Variants in CLCN1 observed in about 807,000 individuals in gnomAD.
CLCN1 encodes the protein chloride voltage-gated channel 1.
In CLCN1, 100 loss-of-function variants were observed where a neutral mutation model predicts 114.5. That is an observed-to-expected ratio of 0.87 (90% confidence interval 0.74 to 1.03). CLCN1 has a LOEUF of 1.03. Among genes scored for constraint, CLCN1 ranks in the 50% least tolerant of loss-of-function variants. CLCN1 has a pLI of 0.00. For synonymous variants in CLCN1, 485 were observed against 487.1 expected (o/e 1.00, Z 0.06); for missense variants, 1,188 against 1,250.0 (o/e 0.95, Z 0.75).
At chr7:143,326,003 GT>G (rs546357383) in intron 7 of CLCN1, among the ~76,000 whole-genome samples, 10 of 151,828 alleles carry the variant, frequency 6.6e-5, no homozygotes, top group East Asian at 3.9e-4. Context: ...GGCATTACTT[GT>G]TTTTTTTGTT....
At chr7:143,336,846 G>A (rs1481049628) in intron 12 of CLCN1, among the ~76,000 whole-genome samples, 1 of 152,076 alleles carries the variant, frequency 6.6e-6, no homozygotes, top group Non-Finnish European at 1.5e-5. Flanking sequence ...ACATATCTTG[G>A]AGGATAATCT....
chr7:143,332,911 T>C (rs1802769694), intron 12 of CLCN1, 38 bp downstream of exon 12: 1 of 1,610,524 alleles, frequency 6.2e-7, no homozygotes, highest in East Asian at 2.2e-5. Flanking sequence ...TAAACCTCCA[T>C]CTGTTTTCAA....
chr7:143,345,015 G>C (rs1803190581), intron 16 of CLCN1, among the ~76,000 whole-genome samples: 1 of 152,184 alleles, frequency 6.6e-6, no homozygotes, highest in Non-Finnish European at 1.5e-5. Context: ...GCCTTCCAAA[G>C]TAGTGGGATT....
chr7:143,327,385 C>A (rs1198965566), intron 7 of CLCN1, among the ~76,000 whole-genome samples: 1 of 152,106 alleles, frequency 6.6e-6, no homozygotes, highest in Non-Finnish European at 1.5e-5. Flanking sequence ...TCTCACAGAC[C>A]TGACTTCGGG....
At chr7:143,323,632 G>A (rs1302597516) in intron 6 of CLCN1, 4 of 652,678 alleles carry the variant, frequency 6.1e-6, no homozygotes, top group Admixed American at 2.1e-5. Flanking sequence ...ATGGAGGTCT[G>A]GTCTGTCGTC....
In CLCN1 at chr7:143,339,492, C is replaced by T. The variant is rs749460835; in HGVS notation, c.1472-19C>T. ...ACTTGGATCTCGTAACACCTTCCTT[C>T]CTTTTATCTTCCCTCTAGGAGCTGC... On this transcript the variant is annotated intron_variant, in intron 13 of 22. Coordinates refer to ENST00000343257, the MANE Select transcript of CLCN1 (RefSeq NM_000083.3). This position sits in a 1 kb window ranked among gnomAD's most constrained non-coding sequence, Gnocchi z 4.1. 6.3e-7 allele frequency: 1 copy of T among 1,582,196 alleles called. No homozygotes were observed. Among genetic ancestry groups the T allele is most frequent in the Non-Finnish European group, 8.7e-7 (1 of 1,150,862 alleles).
In CLCN1 at chr7:143,351,829, C is replaced by T. The variant is rs1226179201; in HGVS notation, c.2831C>T (p.Pro944Leu). 9.9e-6 allele frequency: 16 copies of T among 1,613,948 alleles called. No homozygotes were observed. The highest frequency in any genetic ancestry group is 1.7e-5 in the Admixed American group (1 of 60,022). ...CCAGAGCCCCCTCTCTCCCTGGCCC[C>T]AGGCAAGGTAGAGGGCGAGTTGGAG... Reference protein sequence around the residue: ...PSPEPPLSLAPGKVEGELEEL... With the variant: ...PSPEPPLSLALGKVEGELEEL... Residue 944 changes from proline to leucine, a missense_variant, in exon 23 of 23, where the codon CCA (proline) becomes CTA (leucine). By Grantham distance (98) the Pro-to-Leu change is moderately conservative. Coordinates refer to ENST00000343257, the MANE Select transcript of CLCN1 (RefSeq NM_000083.3).
At chr7:143,336,164 A>C (rs1802881864) in intron 12 of CLCN1, among the ~76,000 whole-genome samples, 2 of 151,690 alleles carry the variant, frequency 1.3e-5, no homozygotes, top group South Asian at 4.2e-4. Flanking sequence ...GCTCTGTTGA[A>C]TTTTTTTTCA....
At chr7:143,323,504 C>G (rs779629936) in intron 6 of CLCN1, 118 bp downstream of exon 6, 3 of 783,334 alleles carry the variant, frequency 3.8e-6, no homozygotes, top group Non-Finnish European at 7.0e-6. Context: ...GAAGCAGCAT[C>G]GCACTAATCC....
chr7:143,350,721 G>C lies in CLCN1; in HGVS notation c.2595+67G>C. 8.1e-6 allele frequency: 9 copies of C among 1,111,334 alleles called. No individual in the cohort carries two copies. Among genetic ancestry groups the C allele is most frequent in the Non-Finnish European group, 1.2e-5 (9 of 725,512 alleles). The allele number at this position is 1,111,334 out of a possible 1,614,324, so 68.8% of individuals were successfully genotyped here. On this transcript the variant is annotated intron_variant, in intron 22 of 22. Transcript: ENST00000343257. The surrounding 1 kb of genome is among the most constrained non-coding windows in gnomAD (Gnocchi z 5.1). ...GGGCATAGGATAAGGGGATGCAGTG[G>C]GGACAGAAGGAATATTAGCATCTCA...
rs1411209435 is a variant in CLCN1 at position 143,324,439 on chromosome 7, T to G, written c.800T>G (p.Leu267Arg). ...CAGCCATACTACTACTCTGATATCCTGACGGTGGGCTGTGCTGTGGGAGTC... is the reference window on the plus strand; with the variant it reads ...CAGCCATACTACTACTCTGATATCCGGACGGTGGGCTGTGCTGTGGGAGTC... The part of the protein sequence containing the change: ...YEQPYYYSDI[L>R]TVGCAVGVGC... Residue 267 changes from leucine (L) to arginine (R), a missense_variant, in exon 7 of 23, where the codon CTG becomes CGG. Leu to Arg is a moderately radical substitution (Grantham distance 102, BLOSUM62 -2). Coordinates refer to ENST00000343257, the MANE Select transcript of CLCN1 (RefSeq NM_000083.3). The surrounding 1 kb of genome is among the most constrained non-coding windows in gnomAD (Gnocchi z 4.6). 1.2e-6 allele frequency: 2 copies of G among 1,613,848 alleles called. No individual in the cohort carries two copies. The highest frequency in any genetic ancestry group is 1.7e-5 in the Admixed American group (1 of 60,004).
intron 18 of CLCN1, among the ~76,000 whole-genome samples, 162 bp from the exon 19 acceptor site, chr7:143,346,417 G>A (rs1484508302): frequency 6.6e-6 from 1 of 152,212 alleles, no homozygotes; most frequent in African/African-American, 2.4e-5. Context: ...CCTTGTTACT[G>A]TCCCAGGGAG....
At chr7:143,337,312 T>G (rs151128773) in intron 12 of CLCN1, among the ~76,000 whole-genome samples, 2 of 152,390 alleles carry the variant, frequency 1.3e-5, no homozygotes, top group East Asian at 3.9e-4. Context: ...AAGGACAAGA[T>G]GCACTCTCTG....
chr7:143,337,586 A>C (rs1348600753), intron 12 of CLCN1, among the ~76,000 whole-genome samples: 2 of 152,114 alleles, frequency 1.3e-5, no homozygotes, highest in East Asian at 3.9e-4. Context: ...CACAGCTCTA[A>C]AATTGTGAAT....
Position 143,316,311 on chromosome 7 carries a change from C to T in CLCN1, c.99C>T (p.Tyr33=), listed in dbSNP as rs138922145. The T allele has an allele frequency of 8.8e-5, 142 of 1,613,560 alleles. No individual in the cohort carries two copies. Among genetic ancestry groups the T allele is most frequent in the South Asian group, 2.3e-4 (21 of 91,082 alleles). Residue 33 remains tyrosine, a synonymous_variant, in exon 1 of 23, where the codon TAC becomes TAT. Coordinates refer to ENST00000343257, the MANE Select transcript of CLCN1 (RefSeq NM_000083.3). ...TGCCCTTTGAACACTGCACCAGCTA[C>T]GGACTGCCCTCTGAGAATGGGGGCC... ...QYMPFEHCTS[Y]GLPSENGGLQ...
intron 6 of CLCN1, chr7:143,323,686 TTAGTTTCCCTC>T (rs1802507365): frequency 3.3e-5 from 19 of 578,172 alleles, no homozygotes; most frequent in Non-Finnish European, 5.4e-5. Context: ...CCCCTCTGTG[TTAGTTTCCCTC>T]CACGTTTCCC....
chr7:143,316,389 A>T lies in CLCN1; in HGVS notation c.177A>T (p.Thr59=). ...DAGPRHNVHP[T]QIYGHHKEQF... Reference sequence around the variant, plus strand: ...GCCCCCGCCACAACGTCCACCCCACACAGGTAAAGTGCTCTAAGGGGAGAG... The same window carrying T: ...GCCCCCGCCACAACGTCCACCCCACTCAGGTAAAGTGCTCTAAGGGGAGAG... Residue 59 remains threonine (T), a synonymous_variant, in exon 1 of 23, where the codon ACA becomes ACT. Coordinates refer to ENST00000343257, the MANE Select transcript of CLCN1 (RefSeq NM_000083.3). 3.1e-6 allele frequency: 5 copies of T among 1,612,808 alleles called. No individual in the cohort carries two copies. Among genetic ancestry groups the T allele is most frequent in the Non-Finnish European group, 4.2e-6 (5 of 1,179,962 alleles).
At position 143,339,448 on chromosome 7, in the gene CLCN1, T is replaced by C. The variant is rs1803018566; in HGVS notation, c.1472-63T>C. 2 of 1,450,656 alleles carry C rather than the reference T, an allele frequency of 1.4e-6. No individual in the cohort carries two copies. The allele number at this position is 1,450,656 out of a possible 1,614,324, so 89.9% of individuals were successfully genotyped here. A position where few individuals can be genotyped will look rare whatever the true frequency, so the allele number is the denominator to read the frequency against. On this transcript the variant is annotated intron_variant, in intron 13 of 22. Coordinates refer to ENST00000343257, the MANE Select transcript of CLCN1 (RefSeq NM_000083.3). The surrounding 1 kb of genome is among the most constrained non-coding windows in gnomAD (Gnocchi z 4.1). ...TTAATGCCCAAGGAGAGATTGGTTC[T>C]GAAAACTGAGAGCAAGGAACTTGGA...
At chr7:143,317,579 C>CTTTT (rs201421922) in intron 1 of CLCN1, among the ~76,000 whole-genome samples, 1 of 142,450 alleles carries the variant, frequency 7.0e-6, no homozygotes, top group Admixed American at 7.0e-5. Context: ...TTTTTTCTTT[C>CTTTT]TTTTTTTTTT....
Sources: gnomAD v4.1 joint callset for allele counts (sites outside exome capture counted in the v4.1 genomes callset) on GRCh38, gnomAD v4.1.1 for gene constraint, Gnocchi (gnomAD v3.1) non-coding constraint, MANE v1.5 for transcripts, NCBI Gene and HGNC (gene_info 2026-07-23, HGNC 2026-07-21) for gene names.